The following IQSEC1 variants were observed in gnomAD, a reference collection of about 807,000 sequenced individuals.
IQSEC1 encodes IQ motif and Sec7 domain ArfGEF 1, also known as IQ motif and SEC7 domain-containing protein 1.
In IQSEC1, 31 loss-of-function variants were observed where a neutral mutation model predicts 91.0. The ratio of observed to expected loss-of-function variants is 0.34; its 90% CI spans 0.26 to 0.46. The LOEUF (loss-of-function observed/expected upper bound fraction) is 0.46. Ranked by LOEUF, IQSEC1 falls within the 20% of genes least tolerant of loss-of-function variation. The pLI is 1.00. For missense variants in IQSEC1, 1,388 were observed against 1,575.6 expected (o/e 0.88, Z 2.02); for synonymous variants, 699 against 662.6 (o/e 1.05, Z -0.84).
intron 1 of IQSEC1, among the ~76,000 whole-genome samples, chr3:13,168,532 T>C (rs1559268734): frequency 6.6e-6 from 1 of 152,190 alleles, no homozygotes; most frequent in South Asian, 2.1e-4. Flanking sequence ...TGCAGCAGTC[T>C]GCCCTTGGAA....
chr3:12,965,635 C>A (rs2125510159), intron 1 of IQSEC1, among the ~76,000 whole-genome samples: 1 of 152,340 alleles, frequency 6.6e-6, no homozygotes, highest in East Asian at 1.9e-4. Context: ...ACCCAGACCA[C>A]AGAAGGATCC....
In IQSEC1 at chr3:12,897,906, C is replaced by T. The variant is rs1215887073; in HGVS notation, c.*3077G>A. On this transcript the variant is annotated 3_prime_UTR_variant, in exon 14 of 14. Transcript: ENST00000613206. ...CATATTAGGATGAACTTTATTTTTA[C>T]ATTGTTGTACAATTCATTGGTAAAC... 6.6e-6 allele frequency: 1 copy of T among 152,236 alleles called. No individual in the cohort carries two copies. The highest frequency in any genetic ancestry group is 1.5e-5 in the Non-Finnish European group (1 of 68,044). The allele number at this position is 152,236 out of a possible 1,614,324, so 9.4% of individuals were successfully genotyped here.
At chr3:12,915,876 A>G in intron 6 of IQSEC1, 143 bp from the exon 7 acceptor site, 1 of 941,770 alleles carries the variant, frequency 1.1e-6, no homozygotes, top group Non-Finnish European at 1.6e-6. Flanking sequence ...GCAACAGGAC[A>G]TTTTCAGTCA....
chr3:12,930,451 T>G (rs1362979970), intron 3 of IQSEC1, among the ~76,000 whole-genome samples: 1 of 152,216 alleles, frequency 6.6e-6, no homozygotes, highest in South Asian at 2.1e-4. Flanking sequence ...TTCTACTCTC[T>G]GCTCCAGGCC....
intron 1 of IQSEC1, among the ~76,000 whole-genome samples, chr3:13,278,481 G>T (rs1472063701): frequency 6.6e-6 from 1 of 152,138 alleles, no homozygotes; most frequent in Non-Finnish European, 1.5e-5. Flanking sequence ...CTGGGAGATG[G>T]TCTGGCCATT....
chr3:13,143,630 G>T (rs2124942905), intron 2 of IQSEC1, among the ~76,000 whole-genome samples: 1 of 152,362 alleles, frequency 6.6e-6, no homozygotes, highest in Admixed American at 6.5e-5. Context: ...GTCTGGGCAT[G>T]TGACCAATCA....
At chr3:13,216,140 T>A (rs1694542807) in intron 1 of IQSEC1, among the ~76,000 whole-genome samples, 1 of 152,208 alleles carries the variant, frequency 6.6e-6, no homozygotes, top group African/African-American at 2.4e-5. Context: ...ATTCTAGGAA[T>A]CTATCCAAAG....
At chr3:13,087,229 T>G (rs1336161156) in intron 2 of IQSEC1, among the ~76,000 whole-genome samples, 1 of 152,278 alleles carries the variant, frequency 6.6e-6, no homozygotes, top group Non-Finnish European at 1.5e-5. Context: ...TTGCTGCGAC[T>G]TTAGTTAATG....
chr3:13,079,648 A>G (rs978777621), intron 2 of IQSEC1, among the ~76,000 whole-genome samples: 4 of 152,174 alleles, frequency 2.6e-5, no homozygotes, highest in African/African-American at 9.7e-5. Context: ...CCTGCATGAG[A>G]GGCTGCAGGT....
chr3:13,134,377 G>GC (rs1310563617), intron 2 of IQSEC1, among the ~76,000 whole-genome samples: 1 of 152,240 alleles, frequency 6.6e-6, no homozygotes, highest in Non-Finnish European at 1.5e-5. Context: ...TGTGAAAGGA[G>GC]CATGGGGTGG....
chr3:13,011,207 G>A (rs1185547542), intron 1 of IQSEC1, among the ~76,000 whole-genome samples: 6 of 152,286 alleles, frequency 3.9e-5, no homozygotes, highest in South Asian at 2.1e-4. Context: ...AGCCCCAGGC[G>A]TACCAGCAGA....
At chr3:13,019,438 T>C (rs775660088) in intron 1 of IQSEC1, among the ~76,000 whole-genome samples, 33 of 152,228 alleles carry the variant, frequency 2.2e-4, no homozygotes, top group Non-Finnish European at 4.1e-4. Context: ...CTATGCGCTG[T>C]CCGATCGCAA....
At chr3:12,930,714 C>A (rs1400433801) in intron 3 of IQSEC1, among the ~76,000 whole-genome samples, 1 of 152,184 alleles carries the variant, frequency 6.6e-6, no homozygotes, top group Non-Finnish European at 1.5e-5. Flanking sequence ...AGTAAAGCCT[C>A]TTTGCTTAAC....
Position 12,908,532 on chromosome 3 carries a change from C to G in IQSEC1, c.2579-7G>C, listed in dbSNP as rs1695234492. 4 of 1,613,440 alleles carry G rather than the reference C, an allele frequency of 2.5e-6. No homozygotes were observed. Among genetic ancestry groups the G allele is most frequent in the Non-Finnish European group, 3.4e-6 (4 of 1,179,996 alleles). On this transcript the variant is annotated splice_polypyrimidine_tract_variant and splice_region_variant and intron_variant, in intron 11 of 13. Coordinates refer to ENST00000613206, the MANE Select transcript of IQSEC1 (RefSeq NM_001134382.3). This position sits in a 1 kb window ranked among gnomAD's most constrained non-coding sequence, Gnocchi z 4.9. ...TTCTGCTTCTCGAGCTCCGCTGGAA[C>G]AGAGAGGGTGAGGGTCCTGGTGAGA...
chr3:12,899,321 G>T lies in IQSEC1; in HGVS notation c.*1662C>A. ...CCCCGCGGCCCGCAGAGTCAGGCGT[G>T]AGCTTCGCCCTTTCTGAAAGGGCCT... On this transcript the variant is annotated 3_prime_UTR_variant, in exon 14 of 14. Transcript: ENST00000613206. 1 of 1,559,392 alleles carries T rather than the reference G, an allele frequency of 6.4e-7. No individual in the cohort carries two copies. Among genetic ancestry groups the T allele is most frequent in the Non-Finnish European group, 8.8e-7 (1 of 1,139,664 alleles).
Position 12,902,670 on chromosome 3 carries a change from C to CAAAAAAAAAAAAAAAAAAAAAAAAAAA in IQSEC1, c.2805+102_2805+103insTTTTTTTTTTTTTTTTTTTTTTTTTTT, listed in dbSNP as rs1213830618. 8.3e-5 allele frequency: 16 copies of CAAAAAAAAAAAAAAAAAAAAAAAAAAA among 192,644 alleles called. 1 individual carries two copies. The highest frequency in any genetic ancestry group is 2.7e-4 in the African/African-American group (4 of 14,692). 11.9% of individuals were successfully genotyped at this position (192,644 alleles called of 1,614,324 possible). A position where few individuals can be genotyped will look rare whatever the true frequency, so the allele number is the denominator to read the frequency against. On this transcript the variant is annotated intron_variant, in intron 13 of 13. Coordinates refer to ENST00000613206, the MANE Select transcript of IQSEC1 (RefSeq NM_001134382.3). The stretch of plus-strand genomic sequence containing the variant: ...AAAAAAAAAACAACAAAAAAAAAAC[C>CAAAAAAAAAAAAAAAAAAAAAAAAAAA]AAAAAAAAAAAAAAAAAAAAAAAAC...
At chr3:13,053,752 C>T (rs1704779165) in intron 1 of IQSEC1, among the ~76,000 whole-genome samples, 2 of 152,200 alleles carry the variant, frequency 1.3e-5, no homozygotes, top group African/African-American at 4.8e-5. Context: ...GAGTAATTTG[C>T]CTCAGTTTCC....
intron 2 of IQSEC1, among the ~76,000 whole-genome samples, chr3:13,145,384 G>A (rs993407295): frequency 2.0e-5 from 3 of 152,164 alleles, no homozygotes; most frequent in African/African-American, 4.8e-5. Flanking sequence ...TGATCACAGT[G>A]TGGCTGCCCC....
chr3:12,967,802 G>T lies in IQSEC1; in HGVS notation c.24-25937C>A, dbSNP rs1392064677. 2 of 568,774 alleles carry T rather than the reference G, an allele frequency of 3.5e-6. No individual in the cohort carries two copies. Among genetic ancestry groups the T allele is most frequent in the African/African-American group, 2.0e-5 (1 of 49,028 alleles). The allele number at this position is 568,774 out of a possible 1,614,324, so 35.2% of individuals were successfully genotyped here. On this transcript the variant is annotated intron_variant, in intron 1 of 13. Transcript: ENST00000613206. This position sits in a 1 kb window ranked among gnomAD's most constrained non-coding sequence, Gnocchi z 5.9. ...GGCCGGAGGGCGAGCTGGGGGCGGG[G>T]CTGCGCGCGGGGGCGAGACTGCACG...
Sources: allele counts gnomAD v4.1 joint callset (sites outside exome capture counted in the v4.1 genomes callset), GRCh38; gene constraint gnomAD v4.1.1; non-coding constraint Gnocchi (gnomAD v3.1); transcripts MANE v1.5; gene names NCBI Gene and HGNC (gene_info 2026-07-23, HGNC 2026-07-21).